MPP7: variants seen among roughly 807,000 people sequenced by gnomAD.
MPP7 encodes MAGUK p55 scaffold protein 7.
A neutral mutation model predicts 76.5 loss-of-function variants in MPP7; 60 were observed. The ratio of observed to expected loss-of-function variants is 0.78; its 90% CI spans 0.64 to 0.97. The LOEUF (loss-of-function observed/expected upper bound fraction) is 0.97, where lower values mean the gene tolerates loss of function less well. Among genes scored for constraint, MPP7 ranks in the 50% least tolerant of loss-of-function variants. MPP7 has a pLI of 0.00. For missense variants in MPP7, 641 were observed against 694.0 expected (o/e 0.92, Z 0.86); for synonymous variants, 237 against 244.5 (o/e 0.97, Z 0.29).
At chr10:28,335,109 C>T (rs1454522093), upstream of MPP7, among the ~76,000 whole-genome samples, 1 of 152,238 alleles carries the variant, frequency 6.6e-6, no homozygotes. Flanking sequence ...GGGAGGAGAT[C>T]TTAGTTCCTC....
At chr10:28,062,100 T>C (rs1851810418) in intron 13 of MPP7, among the ~76,000 whole-genome samples, 1 of 152,142 alleles carries the variant, frequency 6.6e-6, no homozygotes, top group Admixed American at 6.5e-5. Flanking sequence ...AATGTAAACG[T>C]CTACTTTTTT....
chr10:28,167,306 G>A (rs1230710340), intron 3 of MPP7, among the ~76,000 whole-genome samples: 1 of 81,580 alleles, frequency 1.2e-5, no homozygotes, highest in Non-Finnish European at 2.3e-5. Flanking sequence ...GTGAGGCTCT[G>A]CCTCAAAAAA....
intron 2 of MPP7, among the ~76,000 whole-genome samples, chr10:28,203,663 A>C (rs1336104635): frequency 6.6e-6 from 1 of 152,226 alleles, no homozygotes; most frequent in African/African-American, 2.4e-5. Context: ...ATAATAATAC[A>C]GGTTTCATTA....
rs80237819 is a variant in MPP7, at chr10:28,187,178, G to A, written c.156+14975C>T. On this transcript the variant is annotated intron_variant, in intron 3 of 16. Transcript: ENST00000683449. ...TACATTACATAAATGTAGACCACGCGGGAGGGCACAGTCGCACTAAATATT... is the reference window on the plus strand; with the variant it reads ...TACATTACATAAATGTAGACCACGCAGGAGGGCACAGTCGCACTAAATATT... Among the ~76,000 whole-genome samples, 757 of 152,198 alleles carry A rather than the reference G, an allele frequency of 5.0e-3. 6 individuals are homozygous for A. Among genetic ancestry groups the A allele is most frequent in the East Asian group, 0.022 (114 of 5,174 alleles).
At chr10:28,074,839 G>A (rs1852413307) in intron 12 of MPP7, among the ~76,000 whole-genome samples, 1 of 152,092 alleles carries the variant, frequency 6.6e-6, no homozygotes, top group South Asian at 2.1e-4. Flanking sequence ...ACGGGCCATG[G>A]TGTCTTCCAC....
chr10:28,256,695 A>G (rs974361754), intron 1 of MPP7, among the ~76,000 whole-genome samples: 1 of 152,246 alleles, frequency 6.6e-6, no homozygotes, highest in African/African-American at 2.4e-5. Flanking sequence ...ATAACTAAGA[A>G]CAGAAAAATC....
intron 3 of MPP7, among the ~76,000 whole-genome samples, chr10:28,189,520 A>G (rs4018718): frequency 0.82 from 120,702 of 146,348 alleles, 50,417 homozygotes; most frequent in African/African-American, 0.89. Context: ...GCAATGAGCC[A>G]AGATAACACC....
intron 1 of MPP7, among the ~76,000 whole-genome samples, chr10:28,300,014 G>A (rs990429427): frequency 1.3e-4 from 20 of 152,140 alleles, no homozygotes; most frequent in Middle Eastern, 6.8e-3. Flanking sequence ...TGATCCGCCC[G>A]CCTCGGCCTC....
At chr10:28,229,733 C>A (rs1232388574) in intron 2 of MPP7, among the ~76,000 whole-genome samples, 1 of 151,782 alleles carries the variant, frequency 6.6e-6, no homozygotes, top group Non-Finnish European at 1.5e-5. Flanking sequence ...ACTAAAAATA[C>A]AAAAAATTAG....
chr10:28,173,619 A>T (rs1345877944), intron 3 of MPP7, among the ~76,000 whole-genome samples: 1 of 152,074 alleles, frequency 6.6e-6, no homozygotes, highest in African/African-American at 2.4e-5. Flanking sequence ...AGCCAAATAA[A>T]TTTTTCTTTA....
intron 6 of MPP7, among the ~76,000 whole-genome samples, chr10:28,127,886 G>A (rs967118496): frequency 3.3e-5 from 5 of 152,330 alleles, no homozygotes; most frequent in Non-Finnish European, 5.9e-5. Context: ...AGTGAATAAA[G>A]ACTGGACGGA....
intron 6 of MPP7, among the ~76,000 whole-genome samples, chr10:28,126,813 C>T (rs937083969): frequency 6.6e-6 from 1 of 152,212 alleles, no homozygotes; most frequent in East Asian, 1.9e-4. Flanking sequence ...AACACTTGCT[C>T]TATGCGAATC....
At chr10:28,299,267 C>G (rs917915124) in intron 1 of MPP7, among the ~76,000 whole-genome samples, 11 of 152,180 alleles carry the variant, frequency 7.2e-5, no homozygotes, top group African/African-American at 2.7e-4. Flanking sequence ...ACACGCGACT[C>G]TCCATTCACT....
At chr10:28,197,448 G>A (rs1031828492) in intron 3 of MPP7, among the ~76,000 whole-genome samples, 2 of 152,222 alleles carry the variant, frequency 1.3e-5, no homozygotes, top group Non-Finnish European at 2.9e-5. Context: ...CTCCCAAAGT[G>A]CTGGGATTAC....
At chr10:28,286,645 T>C (rs374226402) in intron 1 of MPP7, among the ~76,000 whole-genome samples, 3 of 152,076 alleles carry the variant, frequency 2.0e-5, no homozygotes, top group African/African-American at 7.2e-5. Flanking sequence ...GACATCAAAA[T>C]TATCATTATA....
intron 1 of MPP7, among the ~76,000 whole-genome samples, chr10:28,275,563 C>T (rs576868253): frequency 1.1e-4 from 17 of 152,090 alleles, no homozygotes; most frequent in East Asian, 9.7e-4. Context: ...CGCACCACCA[C>T]GCCTGGCTAA....
chr10:28,299,637 G>A (rs1482357999), intron 1 of MPP7, among the ~76,000 whole-genome samples: 7 of 152,032 alleles, frequency 4.6e-5, no homozygotes, highest in South Asian at 2.1e-4. Context: ...GGTTGCCAAC[G>A]AACCTTCAGT....
At chr10:28,289,878 G>A (rs887040730) in intron 1 of MPP7, among the ~76,000 whole-genome samples, 6 of 152,192 alleles carry the variant, frequency 3.9e-5, no homozygotes, top group African/African-American at 1.2e-4. Flanking sequence ...GAGTACAGTG[G>A]TATAATCTCG....
At chr10:28,131,003 T>C (rs968129276) in intron 6 of MPP7, among the ~76,000 whole-genome samples, 8 of 152,156 alleles carry the variant, frequency 5.3e-5, no homozygotes, top group African/African-American at 1.9e-4. Context: ...AGAGGTTCTA[T>C]TTTTCTATAT....
Sources: gnomAD v4.1 joint callset for allele counts (sites outside exome capture counted in the v4.1 genomes callset) on GRCh38, gnomAD v4.1.1 for gene constraint, MANE v1.5 for transcripts, NCBI Gene and HGNC (gene_info 2026-07-23, HGNC 2026-07-21) for gene names.